NFATC1: variants seen among roughly 807,000 people sequenced by gnomAD.
The protein encoded by NFATC1 is nuclear factor of activated T cells 1.
In NFATC1, 22 loss-of-function variants were observed where a neutral mutation model predicts 76.0. The ratio of observed to expected loss-of-function variants is 0.29; its 90% CI spans 0.21 to 0.41. The LOEUF (loss-of-function observed/expected upper bound fraction) is 0.41. NFATC1 is among the 10% of genes least tolerant of loss of function. NFATC1 has a pLI of 1.00. For missense variants in NFATC1, 1,357 were observed against 1,337.7 expected, an observed-to-expected ratio of 1.01 and a Z score of -0.23; for synonymous variants, 704 against 613.1, an observed-to-expected ratio of 1.15 and a Z score of -2.19.
intron 9 of NFATC1, among the ~76,000 whole-genome samples, chr18:79,500,466 C>G (rs1273005169): frequency 6.6e-6 from 1 of 151,884 alleles, no homozygotes; most frequent in Admixed American, 6.6e-5. Flanking sequence ...ATAATCTAAG[C>G]TTTTTCCTTA....
At chr18:79,419,485 CT>C (rs961690423) in intron 2 of NFATC1, among the ~76,000 whole-genome samples, 1 of 148,066 alleles carries the variant, frequency 6.8e-6, no homozygotes, top group East Asian at 2.0e-4. Flanking sequence ...GGGAGCCCCC[CT>C]AGGAGGGCCG....
intron 9 of NFATC1, among the ~76,000 whole-genome samples, chr18:79,523,495 C>G (rs2090668881): frequency 6.6e-6 from 1 of 152,264 alleles, no homozygotes; most frequent in Non-Finnish European, 1.5e-5. Context: ...AGGCGTCTCG[C>G]CTACGGCTTG....
At chr18:79,442,428 G>C (rs1287407960) in intron 3 of NFATC1, among the ~76,000 whole-genome samples, 1 of 152,248 alleles carries the variant, frequency 6.6e-6, no homozygotes, top group Non-Finnish European at 1.5e-5. Flanking sequence ...CCGCGTGCCT[G>C]TTCTGGGGTT....
At chr18:79,441,313 C>G (rs2086967518) in intron 3 of NFATC1, among the ~76,000 whole-genome samples, 1 of 152,068 alleles carries the variant, frequency 6.6e-6, no homozygotes, top group Admixed American at 6.5e-5. Flanking sequence ...TGTGTCTGGA[C>G]TGGGTATCGC....
In NFATC1 at chr18:79,527,568, C is replaced by A. The variant is rs1456684165; in HGVS notation, c.2823C>A (p.Thr941=). ...IIRNDLSSTS[T]HS ...GAAATGACCTCTCCAGCACGAGCACCCACTCCTAGTTGCCACATTGGAGCA... is the reference window on the plus strand; with the variant it reads ...GAAATGACCTCTCCAGCACGAGCACACACTCCTAGTTGCCACATTGGAGCA... The change falls in exon 10 of 10, where the codon ACC becomes ACA. Residue 941 remains threonine (T), a synonymous_variant. Transcript: ENST00000427363. The A allele has an allele frequency of 1.2e-6, 2 of 1,613,888 alleles. No homozygotes were observed.
intron 2 of NFATC1, 28 bp downstream of exon 2, chr18:79,411,529 G>C (rs769809992): frequency 3.2e-5 from 45 of 1,393,016 alleles, no homozygotes; most frequent in Non-Finnish European, 4.1e-5. Flanking sequence ...GGCGGGACGG[G>C]GAGGCGAGGG....
chr18:79,398,196 T>C (rs1339089072), intron 1 of NFATC1, among the ~76,000 whole-genome samples: 1 of 152,164 alleles, frequency 6.6e-6, no homozygotes, highest in Non-Finnish European at 1.5e-5. Context: ...TGCTTCCTCA[T>C]GGAGAACGCA....
At chr18:79,492,239 T>G (rs2089699943) in intron 9 of NFATC1, among the ~76,000 whole-genome samples, 1 of 152,052 alleles carries the variant, frequency 6.6e-6, no homozygotes, top group Non-Finnish European at 1.5e-5. Flanking sequence ...AACCTAAAGG[T>G]CACGCACAGC....
intron 1 of NFATC1, among the ~76,000 whole-genome samples, chr18:79,406,071 C>T (rs187479153): frequency 2.7e-4 from 41 of 152,332 alleles, no homozygotes; most frequent in Admixed American, 8.5e-4. Flanking sequence ...CCCCGTGTGG[C>T]GCAGCTCTGG....
At chr18:79,463,322 G>A (rs78538334) in intron 7 of NFATC1, among the ~76,000 whole-genome samples, 15,997 of 152,112 alleles carry the variant, frequency 0.11, 1,092 homozygotes, top group Non-Finnish European at 0.15. Context: ...AAGGAGTCCC[G>A]GCCTACACGG....
At chr18:79,418,997 T>C (rs534998912) in intron 2 of NFATC1, among the ~76,000 whole-genome samples, 2 of 152,338 alleles carry the variant, frequency 1.3e-5, no homozygotes, top group Admixed American at 6.5e-5. Flanking sequence ...ACTCTGTTCC[T>C]GGAAAGGAGA....
At chr18:79,417,964 G>A (rs1237487813) in intron 2 of NFATC1, among the ~76,000 whole-genome samples, 3 of 151,986 alleles carry the variant, frequency 2.0e-5, no homozygotes, top group Non-Finnish European at 4.4e-5. Context: ...GGGCTGTGGC[G>A]GGAGATGGGC....
At chr18:79,403,461 C>G (rs1018672218) in intron 1 of NFATC1, among the ~76,000 whole-genome samples, 4 of 152,212 alleles carry the variant, frequency 2.6e-5, no homozygotes, top group African/African-American at 9.6e-5. Context: ...GGTCCCGCTC[C>G]CTTCTGGGGC....
chr18:79,510,214 G>A (rs951332684), intron 9 of NFATC1, among the ~76,000 whole-genome samples: 4 of 152,224 alleles, frequency 2.6e-5, no homozygotes, highest in South Asian at 2.1e-4. Context: ...AGCCGCAGCC[G>A]TGGTGAGGTT....
chr18:79,401,201 C>T (rs2085238152), intron 1 of NFATC1, among the ~76,000 whole-genome samples: 1 of 150,554 alleles, frequency 6.6e-6, no homozygotes, highest in Non-Finnish European at 1.5e-5. Flanking sequence ...CCAGGTCACC[C>T]CAGGCTGGTC....
intron 9 of NFATC1, among the ~76,000 whole-genome samples, chr18:79,510,752 T>C (rs528726960): frequency 5.9e-5 from 9 of 152,364 alleles, no homozygotes; most frequent in African/African-American, 1.7e-4. Flanking sequence ...AGGTCCTTCC[T>C]GCGGAGGCGT....
At chr18:79,439,392 G>C (rs1338563744) in intron 3 of NFATC1, among the ~76,000 whole-genome samples, 1 of 151,902 alleles carries the variant, frequency 6.6e-6, no homozygotes, top group Non-Finnish European at 1.5e-5. Context: ...AGGACGCCGT[G>C]GGGTGGAAAC....
chr18:79,474,767 T>C (rs536099867), intron 8 of NFATC1, among the ~76,000 whole-genome samples: 2 of 150,334 alleles, frequency 1.3e-5, no homozygotes, highest in African/African-American at 4.9e-5. Flanking sequence ...GTTCTCACGC[T>C]CACTGTCGAC....
chr18:79,461,774 G>A lies in NFATC1; in HGVS notation c.1959+408G>A, dbSNP rs1403983276. Among the ~76,000 whole-genome samples, 3 of 152,174 alleles carry A rather than the reference G, an allele frequency of 2.0e-5. No individual in the cohort carries two copies. The East Asian group carries it at 5.8e-4, about 29-fold the overall frequency. ...GAGTCAGTGCTGTGCTGAGTTCCCG[G>A]GGGGTGGTCAGCACCTGCCCAGACC... is the stretch of plus-strand genomic sequence containing the variant. On this transcript the variant is annotated intron_variant, in intron 7 of 9. Coordinates refer to ENST00000427363, the MANE Select transcript of NFATC1 (RefSeq NM_001278669.2).
Sources: gnomAD v4.1 joint callset for allele counts (sites outside exome capture counted in the v4.1 genomes callset) on GRCh38, gnomAD v4.1.1 for gene constraint, MANE v1.5 for transcripts, NCBI Gene and HGNC (gene_info 2026-07-23, HGNC 2026-07-21) for gene names.